The following CACNA1A variants were observed in gnomAD, a reference collection of about 807,000 sequenced individuals.
CACNA1A encodes the protein calcium voltage-gated channel subunit alpha1 A.
Under a neutral mutation model 262.4 loss-of-function variants are expected in CACNA1A, and 57 were observed. That is an observed-to-expected ratio of 0.22 (90% CI 0.18 to 0.27). CACNA1A has a LOEUF of 0.27. Among genes scored for constraint, CACNA1A ranks in the 10% least tolerant of loss-of-function variants. The probability of loss-of-function intolerance (pLI) is 1.00; values close to 1 mark genes in which losing one functional copy is unlikely to be tolerated. For synonymous variants in CACNA1A, 1,431 were observed against 1,419.3 expected (o/e 1.01, Z -0.18); for missense variants, 2,526 against 3,562.8 (o/e 0.71, Z 7.41).
At chr19:13,257,769 C>T (rs952059575) in intron 27 of CACNA1A, 4 of 382,108 alleles carry the variant, frequency 1.0e-5, no homozygotes, top group African/African-American at 6.2e-5. Context: ...TGGAGTTTCG[C>T]TCTCGTTGCC....
At chr19:13,452,781 C>A in intron 3 of CACNA1A, 95 bp downstream of exon 3, 1 of 1,215,902 alleles carries the variant, frequency 8.2e-7, no homozygotes, top group Non-Finnish European at 1.2e-6. Context: ...AACACAAGGG[C>A]TCAGCCTTCC....
intron 1 of CACNA1A, among the ~76,000 whole-genome samples, chr19:13,497,850 C>T (rs1304434112): frequency 6.6e-6 from 1 of 151,940 alleles, no homozygotes; most frequent in Admixed American, 6.6e-5. Context: ...ATTCCTCGGA[C>T]ATAGGACTAC....
intron 5 of CACNA1A, chr19:13,362,226 C>T (rs763605997): frequency 2.6e-5 from 4 of 152,148 alleles, no homozygotes; most frequent in Non-Finnish European, 5.9e-5. Context: ...GAGACAAAAT[C>T]TCACTCTGTT....
chr19:13,333,221 T>G (rs2058496358), intron 8 of CACNA1A, among the ~76,000 whole-genome samples: 1 of 152,184 alleles, frequency 6.6e-6, no homozygotes, highest in Non-Finnish European at 1.5e-5. Flanking sequence ...CTCCTCCAGC[T>G]GTCCCCACCT....
intron 3 of CACNA1A, among the ~76,000 whole-genome samples, chr19:13,385,715 T>C (rs1164433285): frequency 2.0e-5 from 3 of 152,208 alleles, no homozygotes; most frequent in African/African-American, 7.2e-5. Flanking sequence ...ATCTGTTTTG[T>C]TCATAGCATC....
chr19:13,479,712 TG>T (rs1979026095), intron 1 of CACNA1A, among the ~76,000 whole-genome samples: 2 of 152,152 alleles, frequency 1.3e-5, no homozygotes, highest in South Asian at 4.1e-4. Context: ...CAAACAAGCC[TG>T]GAGTCAGGAG....
chr19:13,499,864 C>T (rs1982160795), intron 1 of CACNA1A, among the ~76,000 whole-genome samples: 1 of 152,078 alleles, frequency 6.6e-6, no homozygotes, highest in Non-Finnish European at 1.5e-5. Flanking sequence ...TACTGCACGG[C>T]TCTTAGGCTC....
At chr19:13,208,605 G>T in intron 46 of CACNA1A, 151 bp downstream of exon 46, 1 of 1,012,480 alleles carries the variant, frequency 9.9e-7, no homozygotes, top group South Asian at 1.7e-5. Context: ...CCGGCCGCCG[G>T]GCACCCCGGT....
intron 6 of CACNA1A, among the ~76,000 whole-genome samples, chr19:13,342,415 G>T (rs752277658): frequency 5.9e-5 from 9 of 152,184 alleles, no homozygotes; most frequent in African/African-American, 9.7e-5. Flanking sequence ...GAAGGAGAGT[G>T]GGGGAGGATG....
In CACNA1A at chr19:13,307,910, G is replaced by A. The variant is rs1429270697; in HGVS notation, c.1914-56C>T. 1.2e-5 allele frequency: 18 copies of A among 1,506,792 alleles called. No individual in the cohort carries two copies. In the East Asian group the frequency reaches 2.5e-4, roughly 21 times the overall value. 93.3% of individuals were successfully genotyped at this position (1,506,792 alleles called of 1,614,324 possible). A position where few individuals can be genotyped will look rare whatever the true frequency, so the allele number is the denominator to read the frequency against. ...GCCCCACCCGGGGTGCTCTGAGGGTGTGGCTCAGTATCTCATCTCCAAGGA... is the reference window on the plus strand; with the variant it reads ...GCCCCACCCGGGGTGCTCTGAGGGTATGGCTCAGTATCTCATCTCCAAGGA... On this transcript the variant is annotated intron_variant, in intron 14 of 46. Transcript: ENST00000360228.
In CACNA1A at chr19:13,214,869, A is replaced by G. The variant is rs922720974; in HGVS notation, c.5732-261T>C. Reference sequence around the variant, plus strand: ...GCCCGGCATGGAGAACAGCTGGGCGACCTGGGTCCCAATCTTGTCTCCCAG... The same window carrying G: ...GCCCGGCATGGAGAACAGCTGGGCGGCCTGGGTCCCAATCTTGTCTCCCAG... On this transcript the variant is annotated intron_variant, in intron 38 of 46. Coordinates refer to ENST00000360228, the MANE Select transcript of CACNA1A (RefSeq NM_001127222.2). The surrounding 1 kb of genome is among the most constrained non-coding windows in gnomAD (Gnocchi z 4.1). 1 of 488,728 alleles carries G rather than the reference A, an allele frequency of 2.0e-6. No individual in the cohort carries two copies. Among genetic ancestry groups the G allele is most frequent in the African/African-American group, 1.9e-5 (1 of 51,860 alleles). The allele number at this position is 488,728 out of a possible 1,614,324, so 30.3% of individuals were successfully genotyped here.
intron 1 of CACNA1A, among the ~76,000 whole-genome samples, chr19:13,499,245 A>C (rs1982053177): frequency 6.6e-6 from 1 of 152,140 alleles, no homozygotes; most frequent in Non-Finnish European, 1.5e-5. Context: ...CTTGTCACCC[A>C]CAGAGAGAGG....
intron 28 of CACNA1A, 38 bp downstream of exon 28, chr19:13,257,312 C>G (rs2056598995): frequency 1.3e-6 from 2 of 1,551,816 alleles, no homozygotes; most frequent in Non-Finnish European, 1.8e-6. Flanking sequence ...TGTGTGTGTC[C>G]CCAGTTTTTA....
rs1555729453 is a variant in CACNA1A, at chr19:13,206,676, G to GT, written c.*636dup. On this transcript the variant is annotated 3_prime_UTR_variant, in exon 47 of 47. Coordinates refer to ENST00000360228, the MANE Select transcript of CACNA1A (RefSeq NM_001127222.2). The stretch of plus-strand genomic sequence containing the variant: ...TTTGTCCTTTTTAAAATTGTTTATT[G>GT]TTATTATTATTTTTTTAAATTGATT... 2 of 153,080 alleles carry GT rather than the reference G, an allele frequency of 1.3e-5. No homozygotes were observed. Among genetic ancestry groups the GT allele is most frequent in the South Asian group, 2.1e-4 (1 of 4,876 alleles). The allele number at this position is 153,080 out of a possible 1,614,324, so 9.5% of individuals were successfully genotyped here.
intron 3 of CACNA1A, among the ~76,000 whole-genome samples, chr19:13,415,648 G>A (rs79008115): frequency 1.3e-5 from 2 of 149,222 alleles, no homozygotes; most frequent in African/African-American, 2.5e-5. Flanking sequence ...GGATGAGGCA[G>A]AGAATTGCTT....
Position 13,452,914 on chromosome 19 carries a change from A to C in CACNA1A, c.501T>G (p.Asn167Lys), listed in dbSNP as rs2060942241. The change falls in exon 3 of 47, where the codon AAT (asparagine) becomes AAG (lysine). Residue 167 changes from asparagine (N) to lysine (K), a missense_variant. Around this residue, in one of 17 missense-constraint regions of CACNA1A, gnomAD observed 77 missense variants for 228.4 expected, o/e 0.34. Coordinates refer to ENST00000360228, the MANE Select transcript of CACNA1A (RefSeq NM_001127222.2). ...FAFHKGSYLR[N>K]GWNVMDFVVV... ...CCACAAAGTCCATGACATTCCAGCC[A>C]TTCCTCAAGTAGGAGCCTTTGTGGA... 1 of 1,613,854 alleles carries C rather than the reference A, an allele frequency of 6.2e-7. No homozygotes were observed. Among genetic ancestry groups the C allele is most frequent in the Non-Finnish European group, 8.5e-7 (1 of 1,179,822 alleles).
chr19:13,319,777 G>T (rs1310961897), intron 10 of CACNA1A, among the ~76,000 whole-genome samples: 2 of 152,174 alleles, frequency 1.3e-5, no homozygotes, highest in African/African-American at 4.8e-5. Flanking sequence ...GCACTGCAGG[G>T]AACATGTTTT....
intron 5 of CACNA1A, chr19:13,364,574 T>C (rs991715664): frequency 1.3e-5 from 2 of 152,260 alleles, no homozygotes; most frequent in South Asian, 2.1e-4. Context: ...AGTGTATAAA[T>C]ACCCCAGCTC....
chr19:13,245,332 C>T (rs1435108051), intron 30 of CACNA1A, 67 bp from the exon 31 acceptor site: 20 of 1,327,380 alleles, frequency 1.5e-5, no homozygotes, highest in African/African-American at 2.9e-5. Context: ...CTAGGCTGGC[C>T]GGGTGCATGT....
Sources: gnomAD v4.1 joint callset for allele counts (sites outside exome capture counted in the v4.1 genomes callset) on GRCh38, gnomAD v4.1.1 for gene constraint, gnomAD v4.1.1 regional missense constraint, Gnocchi (gnomAD v3.1) non-coding constraint, MANE v1.5 for transcripts, NCBI Gene and HGNC (gene_info 2026-07-23, HGNC 2026-07-21) for gene names.